Variants in ADAMTSL1 observed in about 807,000 individuals in gnomAD.
ADAMTSL1 encodes the protein ADAMTS-like protein 1.
Under a neutral mutation model 201.8 loss-of-function variants are expected in ADAMTSL1, and 126 were observed. The observed-to-expected ratio is 0.62, with a 90% confidence interval of 0.54 to 0.72. The LOEUF is 0.72. ADAMTSL1 is among the 30% of genes least tolerant of loss of function. The pLI, the probability that ADAMTSL1 is intolerant of heterozygous loss-of-function variation, is 0.00. For missense variants in ADAMTSL1, 2,679 were observed against 2,277.8 expected, an observed-to-expected ratio of 1.18 and a Z score of -3.59; for synonymous variants, 1,121 against 903.4, an observed-to-expected ratio of 1.24 and a Z score of -4.32.
At chr9:18,465,357 A>C (rs1820963750) in intron 2 of ADAMTSL1, among the ~76,000 whole-genome samples, 2 of 152,218 alleles carry the variant, frequency 1.3e-5, no homozygotes, top group Non-Finnish European at 2.9e-5. Flanking sequence ...TTTCTCATAA[A>C]AGTCTGGAGG....
intron 4 of ADAMTSL1, among the ~76,000 whole-genome samples, chr9:18,592,600 T>C (rs115401709): frequency 0.017 from 2,644 of 152,258 alleles, 78 homozygotes; most frequent in African/African-American, 0.061. Context: ...AACTTCTCAG[T>C]ACCATGCTAT....
At chr9:18,562,160 C>T (rs950584412) in intron 3 of ADAMTSL1, among the ~76,000 whole-genome samples, 4 of 152,098 alleles carry the variant, frequency 2.6e-5, no homozygotes, top group African/African-American at 7.2e-5. Context: ...TGGCTGGTAC[C>T]GGTTTTTTCT....
At chr9:18,125,793 C>A (rs904436092) in intron 1 of ADAMTSL1, among the ~76,000 whole-genome samples, 3 of 152,128 alleles carry the variant, frequency 2.0e-5, no homozygotes, top group African/African-American at 7.2e-5. Flanking sequence ...AGTAATTATT[C>A]CAAACTGTAG....
chr9:18,909,561 T>C lies in ADAMTSL1; in HGVS notation c.*1013T>C, dbSNP rs1375334941. 2 of 151,788 alleles carry C rather than the reference T, an allele frequency of 1.3e-5. 1 individual carries two copies. The highest frequency in any genetic ancestry group is 4.9e-5 in the African/African-American group (2 of 41,038). The allele number at this position is 151,788 out of a possible 1,614,324, so 9.4% of individuals were successfully genotyped here. On this transcript the variant is annotated 3_prime_UTR_variant, in exon 29 of 29. Transcript: ENST00000380548. ...CCATTTTGAGCATGAATGGCCCAGG[T>C]TTTTTGCCTTCTAGGACCTTTGCTG...
At chr9:18,339,346 T>C (rs753204645) in intron 2 of ADAMTSL1, among the ~76,000 whole-genome samples, 6 of 152,158 alleles carry the variant, frequency 3.9e-5, no homozygotes, top group Non-Finnish European at 7.4e-5. Context: ...AACAAGCATA[T>C]GAAAAACTGC....
At chr9:18,521,938 C>T (rs1280229417) in intron 2 of ADAMTSL1, among the ~76,000 whole-genome samples, 1 of 152,168 alleles carries the variant, frequency 6.6e-6, no homozygotes, top group Non-Finnish European at 1.5e-5. Context: ...AAGTAACCAT[C>T]TCTTATGCAC....
chr9:18,862,785 G>C (rs910924465), intron 23 of ADAMTSL1, among the ~76,000 whole-genome samples: 1 of 152,164 alleles, frequency 6.6e-6, no homozygotes, highest in Non-Finnish European at 1.5e-5. Context: ...GGGTCATCCT[G>C]GTCTTCCCTC....
At chr9:18,039,924 G>A (rs903040607) in intron 1 of ADAMTSL1, among the ~76,000 whole-genome samples, 4 of 152,130 alleles carry the variant, frequency 2.6e-5, no homozygotes, top group African/African-American at 9.7e-5. Flanking sequence ...GATAGAAATT[G>A]GCAGTTTTCC....
At chr9:18,882,719 C>A (rs1828610352) in intron 23 of ADAMTSL1, among the ~76,000 whole-genome samples, 1 of 152,108 alleles carries the variant, frequency 6.6e-6, no homozygotes, top group Admixed American at 6.5e-5. Context: ...CAGGGCCAGG[C>A]AAGGTGGCTC....
At chr9:18,439,354 C>G (rs951353198) in intron 2 of ADAMTSL1, among the ~76,000 whole-genome samples, 5 of 152,214 alleles carry the variant, frequency 3.3e-5, no homozygotes, top group African/African-American at 1.2e-4. Context: ...CAGTAAATGA[C>G]AAACATCTTT....
intron 1 of ADAMTSL1, among the ~76,000 whole-genome samples, chr9:18,013,368 T>C (rs554510919): frequency 2.1e-4 from 32 of 152,090 alleles, no homozygotes; most frequent in African/African-American, 7.7e-4. Flanking sequence ...AAACAATGTG[T>C]TTTTCAGAGA....
intron 2 of ADAMTSL1, among the ~76,000 whole-genome samples, chr9:18,235,862 TG>T (rs995383248): frequency 2.0e-5 from 3 of 152,204 alleles, no homozygotes; most frequent in Non-Finnish European, 4.4e-5. Flanking sequence ...TCACTGTATT[TG>T]GGGGGAATTC....
rs747399159 is a variant in ADAMTSL1, at chr9:18,541,513, AG to A, written c.237+8222del. Reference sequence around the variant, plus strand: ...CAACAAGAGCAAAACTCCATCTCAAAGAAAAAAAAAAAAAATTTATGGGTGG... The same window carrying A: ...CAACAAGAGCAAAACTCCATCTCAAAAAAAAAAAAAAAAATTTATGGGTGG... On this transcript the variant is annotated intron_variant, in intron 3 of 28. Coordinates refer to ENST00000380548, the MANE Select transcript of ADAMTSL1 (RefSeq NM_001040272.6). Among the ~76,000 whole-genome samples, 501 of 150,648 alleles carry A rather than the reference AG, an allele frequency of 3.3e-3. 3 individuals are homozygous for A. The highest frequency in any genetic ancestry group is 7.7e-3 in the African/African-American group (317 of 41,210).
At chr9:18,047,700 T>C (rs1203049390) in intron 1 of ADAMTSL1, among the ~76,000 whole-genome samples, 1 of 152,116 alleles carries the variant, frequency 6.6e-6, no homozygotes, top group African/African-American at 2.4e-5. Flanking sequence ...CACTTTAAAT[T>C]GGCATGCTGG....
chr9:18,382,992 G>A (rs547798765), intron 2 of ADAMTSL1, among the ~76,000 whole-genome samples: 3 of 152,266 alleles, frequency 2.0e-5, no homozygotes, highest in South Asian at 4.1e-4. Context: ...GAATAAATGT[G>A]AAGTAAACCC....
rs143348187 is a variant in ADAMTSL1 at position 18,585,582 on chromosome 9, A to T, written c.474+11316A>T. 3.6e-3 allele frequency among the ~76,000 whole-genome samples: 547 copies of T among 152,270 alleles called. 4 individuals carry two copies. Among genetic ancestry groups the T allele is most frequent in the African/African-American group, 0.012 (499 of 41,562 alleles). ...CACTTCAAATTATATTATTTCTATT[A>T]TATGACACCCTTTTCTGTGAGACCA... On this transcript the variant is annotated intron_variant, in intron 4 of 28. Coordinates refer to ENST00000380548, the MANE Select transcript of ADAMTSL1 (RefSeq NM_001040272.6).
intron 2 of ADAMTSL1, among the ~76,000 whole-genome samples, chr9:18,377,381 T>A (rs1191412843): frequency 6.6e-6 from 1 of 152,226 alleles, no homozygotes; most frequent in Non-Finnish European, 1.5e-5. Context: ...GTAGAATTAT[T>A]GTCTACATCC....
At chr9:18,589,434 G>T (rs964000840) in intron 4 of ADAMTSL1, among the ~76,000 whole-genome samples, 3 of 152,098 alleles carry the variant, frequency 2.0e-5, no homozygotes, top group Non-Finnish European at 2.9e-5. Flanking sequence ...TGCATCCTGT[G>T]ATTTTATTAA....
chr9:18,554,145 C>G (rs906415463), intron 3 of ADAMTSL1, among the ~76,000 whole-genome samples: 1 of 151,288 alleles, frequency 6.6e-6, no homozygotes, highest in African/African-American at 2.4e-5. Context: ...ACATTTATAT[C>G]TGCATGTATA....
Sources: gnomAD v4.1 joint callset for allele counts (sites outside exome capture counted in the v4.1 genomes callset) on GRCh38, gnomAD v4.1.1 for gene constraint, MANE v1.5 for transcripts, NCBI Gene and HGNC (gene_info 2026-07-23, HGNC 2026-07-21) for gene names.